Variants in TRPM3 observed in about 807,000 individuals in gnomAD.
TRPM3 encodes the protein transient receptor potential cation channel subfamily M member 3, also known as long transient receptor potential channel 3.
In TRPM3, 77 loss-of-function variants were observed where a neutral mutation model predicts 181.2. The ratio of observed to expected loss-of-function variants is 0.42; its 90% CI spans 0.35 to 0.51. The LOEUF is 0.51. Ranked by LOEUF, TRPM3 falls within the 20% of genes least tolerant of loss-of-function variation. The pLI, the probability that TRPM3 is intolerant of heterozygous loss-of-function variation, is 0.01. For missense variants in TRPM3, 1,759 were observed against 2,196.7 expected, an observed-to-expected ratio of 0.80 and a Z score of 3.98; for synonymous variants, 745 against 796.4, an observed-to-expected ratio of 0.94 and a Z score of 1.09.
intron 1 of TRPM3, among the ~76,000 whole-genome samples, chr9:71,140,159 T>C (rs533942755): frequency 2.0e-5 from 3 of 152,294 alleles, no homozygotes; most frequent in Admixed American, 6.5e-5. Flanking sequence ...CTATTAATAA[T>C]TATGCAAGAT....
intron 1 of TRPM3, among the ~76,000 whole-genome samples, chr9:71,412,953 A>G (rs1284997229): frequency 1.3e-5 from 2 of 152,198 alleles, no homozygotes; most frequent in Non-Finnish European, 2.9e-5. Flanking sequence ...TTGTAGGGAC[A>G]TGGATGAAGC....
At chr9:71,276,675 G>A (rs2084237588) in intron 1 of TRPM3, among the ~76,000 whole-genome samples, 1 of 152,178 alleles carries the variant, frequency 6.6e-6, no homozygotes, top group Admixed American at 6.5e-5. Flanking sequence ...GCCATTAATA[G>A]AGAGCAAAGA....
intron 1 of TRPM3, among the ~76,000 whole-genome samples, chr9:71,148,972 T>C (rs144019861): frequency 2.1e-4 from 32 of 152,200 alleles, no homozygotes; most frequent in Middle Eastern, 3.4e-3. Flanking sequence ...GAGCTGGGGA[T>C]TCAGAAAGAA....
intron 1 of TRPM3, among the ~76,000 whole-genome samples, chr9:71,213,514 G>C (rs968941763): frequency 2.6e-5 from 4 of 151,966 alleles, no homozygotes; most frequent in Non-Finnish European, 5.9e-5. Context: ...ACTATGTTTT[G>C]TTTTGTTTTG....
chr9:70,608,105 A>G lies in TRPM3; in HGVS notation c.2667+2504T>C, dbSNP rs181131646. Among the ~76,000 whole-genome samples the G allele has an allele frequency of 1.4e-3, 218 of 152,332 alleles. 1 individual carries two copies. Among genetic ancestry groups the G allele is most frequent in the African/African-American group, 4.9e-3 (203 of 41,586 alleles). On this transcript the variant is annotated intron_variant, in intron 19 of 25. Transcript: ENST00000677713. ...TAAGGCAAACGCTGAGCTGTAACCA[A>G]TCCAGCTGTTTCTGTACCTCACTTC...
At chr9:71,154,074 A>G (rs896415428) in intron 1 of TRPM3, among the ~76,000 whole-genome samples, 1 of 152,130 alleles carries the variant, frequency 6.6e-6, no homozygotes, top group Admixed American at 6.6e-5. Flanking sequence ...TAACAACAAC[A>G]ACAACAAAAC....
intron 1 of TRPM3, among the ~76,000 whole-genome samples, chr9:71,201,852 C>G (rs1380270595): frequency 6.6e-6 from 1 of 152,220 alleles, no homozygotes; most frequent in Non-Finnish European, 1.5e-5. Flanking sequence ...CTCCGTCCAG[C>G]TTTGTTCCAT....
chr9:71,259,763 T>C (rs1565394448), intron 1 of TRPM3, among the ~76,000 whole-genome samples: 2 of 152,212 alleles, frequency 1.3e-5, no homozygotes, highest in Non-Finnish European at 2.9e-5. Flanking sequence ...TAAGTTTGTT[T>C]AAGTTCTTGT....
At position 70,534,074 on chromosome 9, in the gene TRPM3, T is replaced by C. The variant is rs1385427426; in HGVS notation, c.*1879A>G. ...CTTTTTTAAACGTTAATGAGCCAAA[T>C]AGGAATCCAAAGATTTGGGGTCAAG... On this transcript the variant is annotated 3_prime_UTR_variant, in exon 26 of 26. Coordinates refer to ENST00000677713, the MANE Select transcript of TRPM3 (RefSeq NM_001366145.2). The C allele has an allele frequency of 6.6e-6, 1 of 152,222 alleles. No individual in the cohort carries two copies. Among genetic ancestry groups the C allele is most frequent in the Non-Finnish European group, 1.5e-5 (1 of 68,040 alleles). The allele number at this position is 152,222 out of a possible 1,614,324, so 9.4% of individuals were successfully genotyped here.
chr9:71,212,099 C>T (rs1189216488), intron 1 of TRPM3, among the ~76,000 whole-genome samples: 1 of 152,060 alleles, frequency 6.6e-6, no homozygotes, highest in Admixed American at 6.6e-5. Context: ...GAGCTGATTT[C>T]ATGGTTTTTT....
At chr9:70,916,345 A>G (rs1396146820) in intron 1 of TRPM3, among the ~76,000 whole-genome samples, 2 of 152,238 alleles carry the variant, frequency 1.3e-5, no homozygotes, top group East Asian at 3.8e-4. Flanking sequence ...AGAAAAATAT[A>G]GAATATTATA....
At chr9:70,630,999 C>T (rs561892410) in intron 12 of TRPM3, among the ~76,000 whole-genome samples, 47 of 152,342 alleles carry the variant, frequency 3.1e-4, no homozygotes, top group Middle Eastern at 6.8e-3. Flanking sequence ...GGAAAACTGT[C>T]TTCCTTTGAA....
chr9:70,874,647 T>C (rs1047330433), intron 1 of TRPM3, among the ~76,000 whole-genome samples: 2 of 151,954 alleles, frequency 1.3e-5, no homozygotes, highest in Non-Finnish European at 2.9e-5. Context: ...CAAAGAAATG[T>C]GCTGAGTCAT....
chr9:70,921,942 A>ACACACAC (rs1554770509), intron 1 of TRPM3, among the ~76,000 whole-genome samples: 5,679 of 139,382 alleles, frequency 0.041, 170 homozygotes, highest in African/African-American at 0.079. Context: ...CACACAAACA[A>ACACACAC]ACACACACAC....
intron 1 of TRPM3, among the ~76,000 whole-genome samples, chr9:71,048,641 C>T (rs1332437097): frequency 6.6e-6 from 1 of 152,182 alleles, no homozygotes; most frequent in Admixed American, 6.5e-5. Flanking sequence ...TCCACTCACC[C>T]CATTTGATTC....
chr9:71,155,118 T>C (rs1164582831), intron 1 of TRPM3, among the ~76,000 whole-genome samples: 1 of 152,128 alleles, frequency 6.6e-6, no homozygotes, highest in African/African-American at 2.4e-5. Context: ...AGCACACCCC[T>C]ATTTGTACAA....
intron 1 of TRPM3, among the ~76,000 whole-genome samples, chr9:70,943,368 A>C (rs1041188065): frequency 1.3e-5 from 2 of 152,242 alleles, no homozygotes; most frequent in African/African-American, 4.8e-5. Flanking sequence ...TTTACCCATG[A>C]CATACAATAC....
chr9:71,436,058 T>C (rs1034841475), intron 1 of TRPM3, among the ~76,000 whole-genome samples: 1 of 152,140 alleles, frequency 6.6e-6, no homozygotes. Context: ...CGGGAGATAA[T>C]TGAATCATGG....
chr9:70,756,308 T>C (rs1189640908), intron 8 of TRPM3, among the ~76,000 whole-genome samples: 1 of 151,860 alleles, frequency 6.6e-6, no homozygotes, highest in African/African-American at 2.4e-5. Flanking sequence ...TAAATATATA[T>C]GCACCCAATA....
Sources: allele counts gnomAD v4.1 joint callset (sites outside exome capture counted in the v4.1 genomes callset), GRCh38; gene constraint gnomAD v4.1.1; transcripts MANE v1.5; gene names NCBI Gene and HGNC (gene_info 2026-07-23, HGNC 2026-07-21).